Variants in CROCC2 observed in about 807,000 individuals in gnomAD.
The protein encoded by CROCC2 is ciliary rootlet coiled-coil, rootletin family member 2, also known as ciliary rootlet coiled-coil protein 2.
A neutral mutation model predicts 177.6 loss-of-function variants in CROCC2; 163 were observed. The observed-to-expected ratio is 0.92, with a 90% CI of 0.81 to 1.05. The LOEUF (loss-of-function observed/expected upper bound fraction) is 1.05. Ranked by LOEUF, CROCC2 falls within the 50% of genes least tolerant of loss-of-function variation. CROCC2 has a pLI of 0.00. For missense variants in CROCC2, 1,929 were observed against 1,797.8 expected (o/e 1.07, Z -1.32); for synonymous variants, 904 against 787.3 (o/e 1.15, Z -2.48).
Position 240,968,069 on chromosome 2 carries a change from G to A in CROCC2, c.4268-60G>A, listed in dbSNP as rs938112185. ...ACTCAAGTCCACAGAGCCCTGCATT[G>A]CCTGCCTGTGACCTGGGAGGGGCAT... On this transcript the variant is annotated intron_variant, in intron 26 of 31. Coordinates refer to ENST00000690015, the MANE Select transcript of CROCC2 (RefSeq NM_001351305.2). 3 of 1,372,054 alleles carry A rather than the reference G, an allele frequency of 2.2e-6. No homozygotes were observed. In the South Asian group the frequency reaches 5.3e-5, roughly 24 times the overall value. 85.0% of individuals were successfully genotyped at this position (1,372,054 alleles called of 1,614,324 possible).
chr2:240,947,200 C>A (rs1326278648), intron 15 of CROCC2, among the ~76,000 whole-genome samples: 1 of 152,248 alleles, frequency 6.6e-6, no homozygotes, highest in Non-Finnish European at 1.5e-5. Flanking sequence ...CACAGACAAA[C>A]CTCTTCTCCA....
At position 240,959,449 on chromosome 2, in the gene CROCC2, G is replaced by C; in HGVS notation, c.3087+5G>C. On this transcript the variant is annotated splice_donor_5th_base_variant and intron_variant, in intron 20 of 31. Coordinates refer to ENST00000690015, the MANE Select transcript of CROCC2 (RefSeq NM_001351305.2). ...CGGGGCGATGTGGAGAGAGAGGTGA[G>C]AGGCAGGGCTGGGGGGCTCCTGGGG... 6.5e-7 allele frequency: 1 copy of C among 1,550,018 alleles called. No individual in the cohort carries two copies. The highest frequency in any genetic ancestry group is 8.7e-7 in the Non-Finnish European group (1 of 1,146,676).
chr2:240,990,086 G>A (rs1559194444), intron 30 of CROCC2, among the ~76,000 whole-genome samples: 2 of 152,334 alleles, frequency 1.3e-5, no homozygotes, highest in East Asian at 3.9e-4. Context: ...AGCCTCCATT[G>A]CCCTGTCTCT....
In CROCC2 at chr2:240,917,298, AG is replaced by A. The variant is rs1467959795; in HGVS notation, c.79-1422del. Among the ~76,000 whole-genome samples the A allele has an allele frequency of 1.8e-4, 24 of 136,120 alleles. No homozygotes were observed. Among genetic ancestry groups the A allele is most frequent in the Non-Finnish European group, 3.3e-4 (22 of 67,666 alleles). The allele number at this position is 136,120 out of a possible 152,430, so 89.3% of individuals were successfully genotyped here. A position where few individuals can be genotyped will look rare whatever the true frequency, so the allele number is the denominator to read the frequency against. ...CTGCGGTGACTCTCCAACCCCGGCG[AG>A]GGGGGCCGCGATCTTTGGGGTGCAG... On this transcript the variant is annotated intron_variant, in intron 1 of 31. Coordinates refer to ENST00000690015, the MANE Select transcript of CROCC2 (RefSeq NM_001351305.2). The surrounding 1 kb of genome is among the most constrained non-coding windows in gnomAD (Gnocchi z 4.9).
chr2:240,915,892 G>C (rs919659364), intron 1 of CROCC2, among the ~76,000 whole-genome samples: 13 of 152,156 alleles, frequency 8.5e-5, no homozygotes, highest in Non-Finnish European at 1.2e-4. Flanking sequence ...GGGGCCTTAG[G>C]GGAAAGTGAC....
rs2059453733 is a variant in CROCC2, at chr2:240,934,356, GAGA to G, written c.1675_1677del (p.Lys559del). The G allele has an allele frequency of 6.5e-7, 1 of 1,548,568 alleles. No individual in the cohort carries two copies. The highest frequency in any genetic ancestry group is 1.4e-5 in the African/African-American group (1 of 73,006). On this transcript the variant is annotated inframe_deletion, in exon 12 of 32. Transcript: ENST00000690015. ...TCAAGGCCGCCTGCAGCAGCTGGAG[GAGA>G]AGGTCTCCGGGCTCAGAGAGGAGCT...
At chr2:240,923,095 G>A (rs1235520958) in intron 4 of CROCC2, among the ~76,000 whole-genome samples, 2 of 152,094 alleles carry the variant, frequency 1.3e-5, no homozygotes, top group Non-Finnish European at 2.9e-5. Context: ...AGGAGCAGGG[G>A]CTGCTCACCA....
chr2:240,964,504 T>C lies in CROCC2; in HGVS notation c.3344T>C (p.Leu1115Pro). 6.5e-7 allele frequency: 1 copy of C among 1,549,028 alleles called. No homozygotes were observed. The highest frequency in any genetic ancestry group is 8.7e-7 in the Non-Finnish European group (1 of 1,146,850). ...AAGGAGGAGAAGGAGCAGAAGCTGC[T>C]CATCCTGGAGGAGGCCCAGGCGGCG... ...RSKEEKEQKL[L>P]ILEEAQAALQ... The change falls in exon 22 of 32, where the codon CTC becomes CCC. Residue 1115 changes from leucine to proline, a missense_variant. Leu to Pro is a moderately conservative substitution (Grantham distance 98). Coordinates refer to ENST00000690015, the MANE Select transcript of CROCC2 (RefSeq NM_001351305.2).
chr2:240,968,403 G>C, intron 27 of CROCC2, 141 bp downstream of exon 27: 3 of 1,177,674 alleles, frequency 2.5e-6, no homozygotes, highest in Non-Finnish European at 3.4e-6. Flanking sequence ...TTCGGGGCTG[G>C]AGCCAGCCCG....
intron 14 of CROCC2, among the ~76,000 whole-genome samples, chr2:240,936,235 A>G (rs1033080580): frequency 1.3e-5 from 2 of 152,146 alleles, no homozygotes; most frequent in African/African-American, 4.8e-5. Context: ...TACAGTATCA[A>G]TGAATTTTGA....
intron 5 of CROCC2, among the ~76,000 whole-genome samples, chr2:240,926,820 A>G (rs1349143658): frequency 6.6e-6 from 1 of 152,350 alleles, no homozygotes; most frequent in East Asian, 1.9e-4. Context: ...GCCTCTGCAT[A>G]GCGTCAGCGG....
In CROCC2 at chr2:240,960,234, G is replaced by A. The variant is rs2059622432; in HGVS notation, c.3087+790G>A. ...GCTGGGCTCTGCCCACACAGCAGGA[G>A]GCGCGGACTTCACTGGGCTGGACAC... is the stretch of plus-strand genomic sequence containing the variant. On this transcript the variant is annotated intron_variant, in intron 20 of 31. Coordinates refer to ENST00000690015, the MANE Select transcript of CROCC2 (RefSeq NM_001351305.2). The surrounding 1 kb of genome is among the most constrained non-coding windows in gnomAD (Gnocchi z 5.0). Among the ~76,000 whole-genome samples, 1 of 152,272 alleles carries A rather than the reference G, an allele frequency of 6.6e-6. No individual in the cohort carries two copies. Among genetic ancestry groups the A allele is most frequent in the Admixed American group, 6.5e-5 (1 of 15,288 alleles).
chr2:240,906,701 C>G (rs886401831), intron 1 of CROCC2, 110 bp downstream of exon 1: 16 of 398,034 alleles, frequency 4.0e-5, no homozygotes, highest in African/African-American at 2.9e-4. Context: ...TCCTGGCTCC[C>G]GGGGCACTTT....
intron 7 of CROCC2, among the ~76,000 whole-genome samples, chr2:240,931,425 G>A (rs1574757022): frequency 6.6e-6 from 1 of 152,322 alleles, no homozygotes; most frequent in African/African-American, 2.4e-5. Context: ...GAGTTTTCAG[G>A]CTTAAAGCAG....
chr2:240,987,013 G>A (rs1375325540), intron 28 of CROCC2, among the ~76,000 whole-genome samples: 1 of 152,232 alleles, frequency 6.6e-6, no homozygotes, highest in East Asian at 1.9e-4. Context: ...AAAGCCACCA[G>A]CCAGCTTGTC....
intron 28 of CROCC2, among the ~76,000 whole-genome samples, chr2:240,987,204 C>A (rs73107878): frequency 6.6e-6 from 1 of 151,898 alleles, no homozygotes; most frequent in Non-Finnish European, 1.5e-5. Context: ...CAGCACTGCC[C>A]GGGGACGCAG....
At chr2:240,932,667 G>C (rs1350031275) in intron 8 of CROCC2, 35 bp from the exon 9 acceptor site, 2 of 721,470 alleles carry the variant, frequency 2.8e-6, no homozygotes, top group Non-Finnish European at 5.1e-6. Context: ...CCTGTGCTCT[G>C]GGCCCCTCTA....
At position 240,965,902 on chromosome 2, in the gene CROCC2, G is replaced by A. The variant is rs2106480466; in HGVS notation, c.3870G>A (p.Leu1290=). ...EGARQDAEAQ[L]GRLCSTLRRG... is the part of the protein sequence containing the mutation. ...CAAGGCAGGATGCGGAGGCCCAGCT[G>A]GGCCGGCTGTGCTCCACGCTCCGCC... is the stretch of plus-strand genomic sequence containing the variant. The change falls in exon 24 of 32, where the codon CTG becomes CTA. Residue 1290 remains leucine (L), a synonymous_variant. Coordinates refer to ENST00000690015, the MANE Select transcript of CROCC2 (RefSeq NM_001351305.2). 1.4e-6 allele frequency: 2 copies of A among 1,432,324 alleles called. No homozygotes were observed. Among genetic ancestry groups the A allele is most frequent in the South Asian group, 3.1e-5 (2 of 65,076 alleles). The allele number at this position is 1,432,324 out of a possible 1,614,324, so 88.7% of individuals were successfully genotyped here.
chr2:240,991,140 T>C, intron 30 of CROCC2, 56 bp from the exon 31 acceptor site: 4 of 1,376,160 alleles, frequency 2.9e-6, no homozygotes, highest in Non-Finnish European at 3.9e-6. Flanking sequence ...CTCTATGCCC[T>C]GGGGCCCTGG....
Sources: gnomAD v4.1 joint callset for allele counts (sites outside exome capture counted in the v4.1 genomes callset) on GRCh38, gnomAD v4.1.1 for gene constraint, Gnocchi (gnomAD v3.1) non-coding constraint, MANE v1.5 for transcripts, NCBI Gene and HGNC (gene_info 2026-07-23, HGNC 2026-07-21) for gene names.